Variants in WDR75 observed in about 807,000 individuals in gnomAD.
WDR75 encodes WD repeat-containing protein 75.
Under a neutral mutation model 106.1 loss-of-function variants are expected in WDR75, and 52 were observed. The observed-to-expected ratio is 0.49, with a 90% CI of 0.39 to 0.62. The LOEUF is 0.62. Ranked by LOEUF, WDR75 falls within the 20% of genes least tolerant of loss-of-function variation. The pLI is 0.00. For missense variants in WDR75, 905 were observed against 970.3 expected (o/e 0.93, Z 0.89); for synonymous variants, 333 against 335.5 (o/e 0.99, Z 0.08).
chr2:189,458,111 C>T (rs1014548895), intron 6 of WDR75, among the ~76,000 whole-genome samples: 19 of 151,884 alleles, frequency 1.3e-4, no homozygotes, highest in African/African-American at 4.1e-4. Flanking sequence ...TTAGTAGAGA[C>T]GGGGTTTCAC....
chr2:189,445,355 CACAG>C (rs1199517042), intron 1 of WDR75, among the ~76,000 whole-genome samples: 2 of 152,182 alleles, frequency 1.3e-5, no homozygotes, highest in African/African-American at 4.8e-5. Context: ...AAACATAGTA[CACAG>C]ACAGTCTTAA....
intron 11 of WDR75, 30 bp from the exon 12 acceptor site, chr2:189,465,049 T>C (rs1686972332): frequency 6.8e-7 from 1 of 1,465,000 alleles, no homozygotes; most frequent in South Asian, 1.3e-5. Flanking sequence ...TAATAAACAT[T>C]TTGGTTTTTT....
At chr2:189,450,848 T>C in intron 2 of WDR75, 55 bp from the exon 3 acceptor site, 1 of 1,596,238 alleles carries the variant, frequency 6.3e-7, no homozygotes, top group South Asian at 1.1e-5. Context: ...ATTCATTTGA[T>C]ATCTTGATGA....
chr2:189,449,250 G>A (rs1686565590), intron 2 of WDR75: 1 of 1,302,894 alleles, frequency 7.7e-7, no homozygotes, highest in Admixed American at 2.3e-5. Context: ...ATTAGTCACA[G>A]CCAACTTGGA....
Position 189,458,789 on chromosome 2 carries a change from T to C in WDR75, c.606T>C (p.Ala202=), listed in dbSNP as rs369604652. The C allele has an allele frequency of 1.1e-5, 18 of 1,603,626 alleles. No individual in the cohort carries two copies. The African/African-American group carries it at 1.5e-4, about 13-fold the overall frequency. Residue 202 remains alanine, a synonymous_variant, in exon 7 of 21, where the codon GCT becomes GCC. Transcript: ENST00000314761. ...CATCATCAAGAAATAAGAAGCATGCTAAAAACAATTTTACATGTGTAGCAT... is the reference window on the plus strand; with the variant it reads ...CATCATCAAGAAATAAGAAGCATGCCAAAAACAATTTTACATGTGTAGCAT... ...TLSSSRNKKH[A]KNNFTCVACH...
chr2:189,472,712 C>T (rs1248693135), intron 18 of WDR75, among the ~76,000 whole-genome samples: 1 of 152,182 alleles, frequency 6.6e-6, no homozygotes, highest in Non-Finnish European at 1.5e-5. Context: ...GAACTTATCC[C>T]TTGGCTTCCA....
chr2:189,449,775 C>T (rs1686577463), intron 2 of WDR75: 1 of 984,128 alleles, frequency 1.0e-6, no homozygotes, highest in Non-Finnish European at 1.2e-6. Flanking sequence ...TATAAATTTC[C>T]TAGTTTGTAT....
At chr2:189,457,462 C>G in intron 6 of WDR75, 81 bp downstream of exon 6, 1 of 866,890 alleles carries the variant, frequency 1.2e-6, no homozygotes. Flanking sequence ...ACCTATAGTC[C>G]AAAGCTATTC....
chr2:189,450,455 C>A, intron 2 of WDR75: 1 of 854,486 alleles, frequency 1.2e-6, no homozygotes, highest in Non-Finnish European at 1.4e-6. Context: ...CTCAGCCTCC[C>A]AAGTAGCTAG....
chr2:189,451,920 T>C, intron 4 of WDR75, 25 bp downstream of exon 4: 1 of 1,572,242 alleles, frequency 6.4e-7, no homozygotes. Flanking sequence ...ACTTACTATA[T>C]ATGGCATTGA....
Position 189,447,889 on chromosome 2 carries a change from A to G in WDR75, c.87-490A>G, listed in dbSNP as rs187007666. 4.3e-3 allele frequency among the ~76,000 whole-genome samples: 655 copies of G among 152,268 alleles called. 1 individual carries two copies. Among genetic ancestry groups the G allele is most frequent in the Non-Finnish European group, 7.0e-3 (473 of 68,014 alleles). ...ATGGTTTGGCTGTGTCCCCACCCAAATCTCATTTTGAATTGTAGCTCCCAT... is the reference window on the plus strand; with the variant it reads ...ATGGTTTGGCTGTGTCCCCACCCAAGTCTCATTTTGAATTGTAGCTCCCAT... On this transcript the variant is annotated intron_variant, in intron 1 of 20. Coordinates refer to ENST00000314761, the MANE Select transcript of WDR75 (RefSeq NM_032168.3).
chr2:189,443,385 G>T (rs1275523999), intron 1 of WDR75, among the ~76,000 whole-genome samples: 1 of 152,192 alleles, frequency 6.6e-6, no homozygotes, highest in Non-Finnish European at 1.5e-5. Flanking sequence ...AGTAAGAATG[G>T]TATATATTAA....
intron 2 of WDR75, 79 bp from the exon 3 acceptor site, chr2:189,450,824 A>G: frequency 1.3e-6 from 2 of 1,577,902 alleles, no homozygotes; most frequent in Non-Finnish European, 1.7e-6. Flanking sequence ...AATGCCCCTG[A>G]TCAACATTTA....
At chr2:189,471,154 C>T (rs1054191790) in intron 18 of WDR75, among the ~76,000 whole-genome samples, 21 of 152,160 alleles carry the variant, frequency 1.4e-4, no homozygotes, top group African/African-American at 4.8e-4. Flanking sequence ...CCATTACCCA[C>T]AAAGACAATC....
rs148229737 is a variant in WDR75 at position 189,461,933 on chromosome 2, C to T, written c.779-551C>T. 1.9e-3 allele frequency among the ~76,000 whole-genome samples: 282 copies of T among 152,216 alleles called. 2 individuals are homozygous for T. The highest frequency in any genetic ancestry group is 7.4e-4 in the Non-Finnish European group (50 of 68,006). Reference sequence around the variant, plus strand: ...TTTCTGAGAGGTATTATCATGAATACGTATAGAATTCTGTCATTTGCTTTT... The same window carrying T: ...TTTCTGAGAGGTATTATCATGAATATGTATAGAATTCTGTCATTTGCTTTT... On this transcript the variant is annotated intron_variant, in intron 8 of 20. Coordinates refer to ENST00000314761, the MANE Select transcript of WDR75 (RefSeq NM_032168.3).
chr2:189,447,198 T>C (rs1471774218), intron 1 of WDR75, among the ~76,000 whole-genome samples: 1 of 152,194 alleles, frequency 6.6e-6, no homozygotes. Context: ...ACAGAGCAAA[T>C]ACTTTTTACT....
At chr2:189,448,080 CT>C (rs1395033530) in intron 1 of WDR75, among the ~76,000 whole-genome samples, 1 of 152,206 alleles carries the variant, frequency 6.6e-6, no homozygotes, top group Admixed American at 6.5e-5. Context: ...TAAGACATGC[CT>C]TTTGCCTTCC....
intron 8 of WDR75, among the ~76,000 whole-genome samples, chr2:189,460,155 A>C (rs1017683171): frequency 6.6e-6 from 1 of 152,140 alleles, no homozygotes; most frequent in African/African-American, 2.4e-5. Flanking sequence ...AGTTTATTTG[A>C]CTGGTTCTTT....
Position 189,441,482 on chromosome 2 carries a change from A to G in WDR75, c.-11A>G. Reference sequence around the variant, plus strand: ...GGGACCAGAGATTGGCCATTCCGCTACTGCGCAAAGATGGTGGAGGAGGAG... The same window carrying G: ...GGGACCAGAGATTGGCCATTCCGCTGCTGCGCAAAGATGGTGGAGGAGGAG... On this transcript the variant is annotated 5_prime_UTR_variant, in exon 1 of 21. Coordinates refer to ENST00000314761, the MANE Select transcript of WDR75 (RefSeq NM_032168.3). The G allele has an allele frequency of 6.4e-7, 1 of 1,557,556 alleles. No individual in the cohort carries two copies. The highest frequency in any genetic ancestry group is 8.7e-7 in the Non-Finnish European group (1 of 1,149,706).
Sources: gnomAD v4.1 joint callset for allele counts (sites outside exome capture counted in the v4.1 genomes callset) on GRCh38, gnomAD v4.1.1 for gene constraint, MANE v1.5 for transcripts, NCBI Gene and HGNC (gene_info 2026-07-23, HGNC 2026-07-21) for gene names.